DGKB: variants seen among roughly 807,000 people sequenced by gnomAD.
The protein encoded by DGKB is 90 kDa diacylglycerol kinase.
A neutral mutation model predicts 114.3 loss-of-function variants in DGKB; 67 were observed. The ratio of observed to expected loss-of-function variants is 0.59; its 90% CI spans 0.48 to 0.72. DGKB has a LOEUF of 0.72. DGKB is among the 30% of genes least tolerant of loss of function. DGKB has a pLI of 0.00. For synonymous variants in DGKB, 398 were observed against 323.1 expected (o/e 1.23, Z -2.49); for missense variants, 907 against 975.2 (o/e 0.93, Z 0.93).
At chr7:14,545,455 C>A (rs1794129257) in intron 20 of DGKB, among the ~76,000 whole-genome samples, 1 of 152,168 alleles carries the variant, frequency 6.6e-6, no homozygotes, top group Non-Finnish European at 1.5e-5. Context: ...GAAACCTCAA[C>A]AGTCTGTGAG....
chr7:14,682,975 A>G, intron 10 of DGKB, 134 bp from the exon 11 acceptor site: 1 of 654,796 alleles, frequency 1.5e-6, no homozygotes, highest in South Asian at 1.9e-5. Context: ...CACATCAAGG[A>G]GAAGTCCAAG....
At chr7:14,722,293 C>A (rs186247730) in intron 5 of DGKB, among the ~76,000 whole-genome samples, 1 of 152,192 alleles carries the variant, frequency 6.6e-6, no homozygotes, top group Non-Finnish European at 1.5e-5. Flanking sequence ...CTGAACCTTT[C>A]ATTTTCTCCC....
At chr7:14,157,163 C>G (rs76898493) in intron 25 of DGKB, among the ~76,000 whole-genome samples, 5,345 of 152,114 alleles carry the variant, frequency 0.035, 218 homozygotes, top group African/African-American at 0.096. Flanking sequence ...GTGAGTAGAG[C>G]TTAATTTAGC....
At chr7:14,844,333 A>G (rs4721379) in intron 1 of DGKB, among the ~76,000 whole-genome samples, 137,409 of 152,272 alleles carry the variant, frequency 0.9, 62,309 homozygotes, top group East Asian at 1. Context: ...AGGGATAGGA[A>G]GCCCACATAA....
chr7:14,849,419 T>C (rs1849054873), intron 1 of DGKB, among the ~76,000 whole-genome samples: 1 of 152,160 alleles, frequency 6.6e-6, no homozygotes, highest in South Asian at 2.1e-4. Context: ...ATGGGATTAA[T>C]GCCTTTATAA....
chr7:14,231,082 CCTTTCTTTCTTTCTTTCTTTCTTTCTTT>C (rs201778587), intron 23 of DGKB, among the ~76,000 whole-genome samples: 1,743 of 121,868 alleles, frequency 0.014, 28 homozygotes, highest in South Asian at 0.032. Flanking sequence ...TTCTTCTTTC[CCTTTCTTTCTTTCTTTCTTTCTTTCTTT>C]CTTTCTTTCT....
chr7:14,946,525 C>A (rs933554470), intron 1 of DGKB, among the ~76,000 whole-genome samples: 1 of 151,666 alleles, frequency 6.6e-6, no homozygotes, highest in Admixed American at 6.6e-5. Context: ...GATATTTAAT[C>A]CTACCTTTTA....
intron 5 of DGKB, among the ~76,000 whole-genome samples, chr7:14,735,744 C>A (rs193237020): frequency 1.3e-5 from 2 of 152,086 alleles, no homozygotes; most frequent in African/African-American, 4.8e-5. Context: ...GCAATCTATA[C>A]GTATCTAGTT....
chr7:14,462,907 G>A (rs1255323615), intron 21 of DGKB, among the ~76,000 whole-genome samples: 6 of 151,972 alleles, frequency 3.9e-5, no homozygotes, highest in Non-Finnish European at 8.8e-5. Flanking sequence ...TAAACCAATG[G>A]AACAGAACAT....
intron 23 of DGKB, among the ~76,000 whole-genome samples, chr7:14,305,706 A>G (rs1339747381): frequency 6.6e-6 from 1 of 152,092 alleles, no homozygotes; most frequent in East Asian, 1.9e-4. Context: ...CACCAGTGTA[A>G]TTTCAAGGCC....
At chr7:14,299,589 T>C (rs1243691763) in intron 23 of DGKB, among the ~76,000 whole-genome samples, 1 of 152,108 alleles carries the variant, frequency 6.6e-6, no homozygotes, top group Non-Finnish European at 1.5e-5. Context: ...TGTTTCTGTG[T>C]TTTAGCCGCC....
chr7:14,345,190 T>G, intron 22 of DGKB, 111 bp downstream of exon 22: 4 of 611,684 alleles, frequency 6.5e-6, no homozygotes, highest in Non-Finnish European at 1.1e-5. Flanking sequence ...TGAGTAAGTC[T>G]CTGTGGATTG....
chr7:14,688,643 G>A (rs929554552), intron 9 of DGKB, among the ~76,000 whole-genome samples: 8 of 152,152 alleles, frequency 5.3e-5, no homozygotes, highest in East Asian at 1.9e-4. Context: ...TCAGGTCCGT[G>A]TTTATGACAG....
At chr7:14,724,327 C>T (rs1322091748) in intron 5 of DGKB, among the ~76,000 whole-genome samples, 3 of 151,952 alleles carry the variant, frequency 2.0e-5, no homozygotes, top group Non-Finnish European at 4.4e-5. Flanking sequence ...TTCAACTATG[C>T]TTGTTGTAGT....
chr7:14,959,844 A>T (rs1234494794), intron 1 of DGKB, among the ~76,000 whole-genome samples: 2 of 152,016 alleles, frequency 1.3e-5, no homozygotes, highest in African/African-American at 4.8e-5. Flanking sequence ...ATCCCACTTC[A>T]TATGAAAATG....
chr7:14,510,081 C>CG (rs1293640486), intron 20 of DGKB, among the ~76,000 whole-genome samples: 1 of 152,092 alleles, frequency 6.6e-6, no homozygotes, highest in Non-Finnish European at 1.5e-5. Context: ...GAGGCTGAGG[C>CG]GGGGATCTTG....
chr7:14,704,439 C>T (rs1447807281), intron 6 of DGKB, among the ~76,000 whole-genome samples: 1 of 136,744 alleles, frequency 7.3e-6, no homozygotes, highest in African/African-American at 2.9e-5. Context: ...CAGAGCGAGA[C>T]TCCATCTCAA....
At chr7:14,175,240 C>T (rs1781554774) in intron 25 of DGKB, among the ~76,000 whole-genome samples, 2 of 152,112 alleles carry the variant, frequency 1.3e-5, no homozygotes, top group South Asian at 2.1e-4. Context: ...AATGGTGGTT[C>T]CATTATTTAG....
At chr7:14,168,449 T>C (rs1784920757) in intron 25 of DGKB, among the ~76,000 whole-genome samples, 1 of 152,134 alleles carries the variant, frequency 6.6e-6, no homozygotes, top group African/African-American at 2.4e-5. Context: ...CAGCTACAGA[T>C]TCGTGAAGCT....
Sources: allele counts gnomAD v4.1 joint callset (sites outside exome capture counted in the v4.1 genomes callset), GRCh38; gene constraint gnomAD v4.1.1; transcripts MANE v1.5; gene names NCBI Gene and HGNC (gene_info 2026-07-23, HGNC 2026-07-21).